Variants in KNG1 observed in about 807,000 individuals in gnomAD.
The protein encoded by KNG1 is kininogen 1.
KNG1 carries 23 observed loss-of-function variants against 47.8 expected under a neutral mutation model. The ratio of observed to expected loss-of-function variants is 0.48; its 90% CI spans 0.35 to 0.68. The LOEUF is 0.68. KNG1 is among the 30% of genes least tolerant of loss of function. The pLI is 0.01. For synonymous variants in KNG1, 277 were observed against 277.0 expected, an observed-to-expected ratio of 1.00 and a Z score of 0.00; for missense variants, 762 against 790.2, an observed-to-expected ratio of 0.96 and a Z score of 0.43.
rs1720228900 is a variant in KNG1, at chr3:186,722,418, CTCTT to C, written c.307-13_307-10del. ...CATCTGAAAGATTAAGATAAATGAT[CTCTT>C]TCTTTTCTTTTTAGGCCACTGGAGA... On this transcript the variant is annotated splice_polypyrimidine_tract_variant and intron_variant, in intron 2 of 9. Transcript: ENST00000644859. 7 of 1,586,702 alleles carry C rather than the reference CTCTT, an allele frequency of 4.4e-6. No individual in the cohort carries two copies. In the East Asian group the frequency reaches 1.1e-4, roughly 25 times the overall value.
In KNG1 at chr3:186,720,148, A is replaced by T. The variant is rs751510393; in HGVS notation, c.239A>T (p.Glu80Val). ...TATTCCTTCAAGTACGAAATCAAGG[A>T]GGGGGATTGTCCTGTTCAAAGTGGC... Reference protein sequence around the residue: ...TFYSFKYEIKEGDCPVQSGKT... With the variant: ...TFYSFKYEIKVGDCPVQSGKT... The change falls in exon 2 of 10, where the codon GAG becomes GTG. Residue 80 changes from glutamate (E) to valine (V), a missense_variant. Glu to Val is a moderately radical substitution (Grantham distance 121). Transcript: ENST00000644859. The T allele has an allele frequency of 1.9e-6, 3 of 1,613,788 alleles. No homozygotes were observed. In the African/African-American group the frequency reaches 4.0e-5, roughly 22 times the overall value.
chr3:186,735,318 T>C (rs139739860), intron 7 of KNG1, among the ~76,000 whole-genome samples: 37 of 152,118 alleles, frequency 2.4e-4, no homozygotes, highest in African/African-American at 8.9e-4. Flanking sequence ...ACCCTGTCTC[T>C]ACAAAAAAAG....
intron 9 of KNG1, among the ~76,000 whole-genome samples, chr3:186,739,897 C>A (rs1271819901): frequency 6.6e-6 from 1 of 152,068 alleles, no homozygotes; most frequent in African/African-American, 2.4e-5. Flanking sequence ...ACTGAAAATA[C>A]AACAATTAGC....
chr3:186,742,648 T>G lies in KNG1; in HGVS notation c.*317T>G. 1 of 1,120,672 alleles carries G rather than the reference T, an allele frequency of 8.9e-7. No individual in the cohort carries two copies. Among genetic ancestry groups the G allele is most frequent in the Non-Finnish European group, 1.1e-6 (1 of 915,144 alleles). The allele number at this position is 1,120,672 out of a possible 1,614,324, so 69.4% of individuals were successfully genotyped here. A position where few individuals can be genotyped will look rare whatever the true frequency, so the allele number is the denominator to read the frequency against. On this transcript the variant is annotated 3_prime_UTR_variant, in exon 10 of 10. Transcript: ENST00000644859. ...GATAACAAATATGTACCTTACAACATATGTCATGAATTTGCATACAAAGAT... is the reference window on the plus strand; with the variant it reads ...GATAACAAATATGTACCTTACAACAGATGTCATGAATTTGCATACAAAGAT...
At chr3:186,719,943 A>C (rs896888517) in intron 1 of KNG1, among the ~76,000 whole-genome samples, 162 bp from the exon 2 acceptor site, 1 of 152,228 alleles carries the variant, frequency 6.6e-6, no homozygotes, top group Non-Finnish European at 1.5e-5. Flanking sequence ...TATTATAAAC[A>C]TTCTTTCACA....
In KNG1 at chr3:186,741,783, C is replaced by A; in HGVS notation, c.1387C>A (p.His463Asn). ...HGHQRGHGLGHGHEQQHGLGH... is the reference protein window; with the variant it reads ...HGHQRGHGLGNGHEQQHGLGH... ...GCACCAAAGAGGACATGGCCTTGGC[C>A]ATGGACACGAACAACAGCATGGTCT... Residue 463 changes from histidine (H) to asparagine (N), a missense_variant, in exon 10 of 10, where the codon CAT (histidine) becomes AAT (asparagine). Coordinates refer to ENST00000644859, the MANE Select transcript of KNG1 (RefSeq NM_001102416.3). 2 of 1,614,008 alleles carry A rather than the reference C, an allele frequency of 1.2e-6. No individual in the cohort carries two copies. Among genetic ancestry groups the A allele is most frequent in the Non-Finnish European group, 1.7e-6 (2 of 1,179,974 alleles).
chr3:186,717,819 TACC>T (rs1720029449), intron 1 of KNG1, 82 bp downstream of exon 1: 1 of 886,760 alleles, frequency 1.1e-6, no homozygotes, highest in East Asian at 2.6e-5. Flanking sequence ...CACACACACA[TACC>T]ACCACCAGCA....
chr3:186,743,414 A>G lies in KNG1; in HGVS notation c.*1083A>G, dbSNP rs1250982046. 3 of 398,846 alleles carry G rather than the reference A, an allele frequency of 7.5e-6. No homozygotes were observed. Among genetic ancestry groups the G allele is most frequent in the Non-Finnish European group, 1.4e-5 (3 of 212,786 alleles). The allele number at this position is 398,846 out of a possible 1,614,324, so 24.7% of individuals were successfully genotyped here. A position where few individuals can be genotyped will look rare whatever the true frequency, so the allele number is the denominator to read the frequency against. ...TAATAGGATTGCCTTTCATTGCCCT[A>G]TAGTGCAAAGAAGGTATATGCTTTA... On this transcript the variant is annotated 3_prime_UTR_variant, in exon 10 of 10. Coordinates refer to ENST00000644859, the MANE Select transcript of KNG1 (RefSeq NM_001102416.3).
chr3:186,738,946 C>A, intron 7 of KNG1, 153 bp from the exon 8 acceptor site: 1 of 675,450 alleles, frequency 1.5e-6, no homozygotes, highest in Non-Finnish European at 2.6e-6. Flanking sequence ...AATATGCATG[C>A]CAAGCTTTAA....
chr3:186,725,757 T>C lies in KNG1; in HGVS notation c.564+497T>C, dbSNP rs1720349463. Among the ~76,000 whole-genome samples, 5 of 151,284 alleles carry C rather than the reference T, an allele frequency of 3.3e-5. No individual in the cohort carries two copies. In the South Asian group the frequency reaches 1.0e-3, roughly 32 times the overall value. Reference sequence around the variant, plus strand: ...TTAGTAGAGGCGGGGTTTCACCATGTTAGCCAGGATGGTCTCAATCTCCTG... The same window carrying C: ...TTAGTAGAGGCGGGGTTTCACCATGCTAGCCAGGATGGTCTCAATCTCCTG... On this transcript the variant is annotated intron_variant, in intron 4 of 9. Transcript: ENST00000644859.
intron 3 of KNG1, among the ~76,000 whole-genome samples, chr3:186,724,683 T>C (rs2108622349): frequency 6.6e-6 from 1 of 151,994 alleles, no homozygotes; most frequent in African/African-American, 2.4e-5. Flanking sequence ...GGTTTGCAAA[T>C]ATTGTTTTTC....
Position 186,742,114 on chromosome 3 carries a change from T to A in KNG1, c.1718T>A (p.Met573Lys). Residue 573 changes from methionine to lysine, a missense_variant, in exon 10 of 10, where the codon ATG becomes AAG. Physicochemically the swap from Met to Lys is moderately conservative, Grantham distance 95. Transcript: ENST00000644859. ...GACTCTGATCTCATTGCAACTATGA[T>A]GCCTCCTATATCACCAGCTCCCATA... ...FQDSDLIATM[M>K]PPISPAPIQS... 1 of 1,614,162 alleles carries A rather than the reference T, an allele frequency of 6.2e-7. No individual in the cohort carries two copies. Among genetic ancestry groups the A allele is most frequent in the Non-Finnish European group, 8.5e-7 (1 of 1,180,012 alleles).
In KNG1 at chr3:186,743,861, A is replaced by G; in HGVS notation, c.*1530A>G. The G allele has an allele frequency of 2.0e-6, 2 of 989,392 alleles. No homozygotes were observed. Among genetic ancestry groups the G allele is most frequent in the Non-Finnish European group, 3.3e-6 (2 of 612,254 alleles). The allele number at this position is 989,392 out of a possible 1,614,324, so 61.3% of individuals were successfully genotyped here. On this transcript the variant is annotated 3_prime_UTR_variant, in exon 10 of 10. Coordinates refer to ENST00000644859, the MANE Select transcript of KNG1 (RefSeq NM_001102416.3). ...AGCAACCTTGAGAGGAAGGACAAGA[A>G]GAAAGATGGGATAGAATTTAAATAG... is the stretch of plus-strand genomic sequence containing the variant.
chr3:186,725,543 ATTTTT>A (rs71167003), intron 4 of KNG1, among the ~76,000 whole-genome samples: 3 of 87,726 alleles, frequency 3.4e-5, no homozygotes, highest in South Asian at 4.0e-4. Context: ...CGGCCTTAGG[ATTTTT>A]TTTTTTTTTT....
At position 186,725,156 on chromosome 3, in the gene KNG1, C is replaced by G; in HGVS notation, c.460C>G (p.Pro154Ala). ...TGTGCATCCTATATCAACGCAGAGC[C>G]CAGACCTGGAGCCCATTCTGAGACA... is the stretch of plus-strand genomic sequence containing the variant. ...GCVHPISTQS[P>A]DLEPILRHGI... is the part of the protein sequence containing the mutation. Residue 154 changes from proline to alanine, a missense_variant, in exon 4 of 10, where the codon CCA becomes GCA. Physicochemically the swap from Pro to Ala is conservative, Grantham distance 27. Coordinates refer to ENST00000644859, the MANE Select transcript of KNG1 (RefSeq NM_001102416.3). The G allele has an allele frequency of 1.2e-6, 2 of 1,614,130 alleles. No individual in the cohort carries two copies. The highest frequency in any genetic ancestry group is 2.7e-5 in the African/African-American group (2 of 75,040).
In KNG1 at chr3:186,726,430, C is replaced by T. The variant is rs1027499477; in HGVS notation, c.565-807C>T. 9.2e-5 allele frequency among the ~76,000 whole-genome samples: 14 copies of T among 152,142 alleles called. No individual in the cohort carries two copies. In the South Asian group the frequency reaches 2.7e-3, roughly 29 times the overall value. ...TCAGTATCCCAAGTAACTGGGATTA[C>T]AGGCACCCACCACCACGCCCGGCTA... On this transcript the variant is annotated intron_variant, in intron 4 of 9. Coordinates refer to ENST00000644859, the MANE Select transcript of KNG1 (RefSeq NM_001102416.3).
chr3:186,720,403 C>A, intron 2 of KNG1, 188 bp downstream of exon 2: 2 of 612,768 alleles, frequency 3.3e-6, no homozygotes, highest in Non-Finnish European at 2.9e-6. Flanking sequence ...CATGGAGAAG[C>A]CAGCAGTTAA....
Position 186,741,814 on chromosome 3 carries a change from A to G in KNG1, c.1418A>G (p.His473Arg), listed in dbSNP as rs1720820348. The stretch of plus-strand genomic sequence containing the variant: ...CACGAACAACAGCATGGTCTTGGTC[A>G]TGGACATAAGTTCAAACTTGATGAT... ...HGHEQQHGLG[H>R]GHKFKLDDDL... The change falls in exon 10 of 10, where the codon CAT becomes CGT. Residue 473 changes from histidine to arginine, a missense_variant. Physicochemically the swap from His to Arg is conservative, Grantham distance 29. Transcript: ENST00000644859. 1.2e-6 allele frequency: 2 copies of G among 1,613,968 alleles called. No individual in the cohort carries two copies. The highest frequency in any genetic ancestry group is 2.7e-5 in the African/African-American group (2 of 75,068).
intron 7 of KNG1, chr3:186,736,818 A>T (rs1479896476): frequency 6.6e-6 from 1 of 152,206 alleles, no homozygotes; most frequent in African/African-American, 2.4e-5. Context: ...TGGGGGGCCG[A>T]GGCGGGCGGA....
Sources: allele counts gnomAD v4.1 joint callset (sites outside exome capture counted in the v4.1 genomes callset), GRCh38; gene constraint gnomAD v4.1.1; transcripts MANE v1.5; gene names NCBI Gene and HGNC (gene_info 2026-07-23, HGNC 2026-07-21).